The following ADAMTS16 variants were observed in gnomAD, a reference collection of about 807,000 sequenced individuals.
ADAMTS16 encodes the protein ADAM metallopeptidase with thrombospondin type 1 motif 16.
ADAMTS16 carries 94 observed loss-of-function variants against 145.8 expected under a neutral mutation model. That is an observed-to-expected ratio of 0.64 (90% CI 0.55 to 0.77). The LOEUF is 0.77. ADAMTS16 is among the 30% of genes least tolerant of loss of function. The pLI, the probability that ADAMTS16 is intolerant of heterozygous loss-of-function variation, is 0.00. For missense variants in ADAMTS16, 1,585 were observed against 1,591.5 expected, an observed-to-expected ratio of 1.00 and a Z score of 0.07; for synonymous variants, 659 against 604.3, an observed-to-expected ratio of 1.09 and a Z score of -1.33.
intron 2 of ADAMTS16, among the ~76,000 whole-genome samples, chr5:5,145,590 A>AT: frequency 6.6e-6 from 1 of 152,358 alleles, no homozygotes; most frequent in East Asian, 1.9e-4. Context: ...ACCAGTAGTT[A>AT]TTTTGCATGA....
intron 5 of ADAMTS16, among the ~76,000 whole-genome samples, chr5:5,186,814 G>A (rs1579296847): frequency 6.6e-6 from 1 of 152,186 alleles, no homozygotes; most frequent in South Asian, 2.1e-4. Context: ...TCATGTAAGT[G>A]AAATCTAAAT....
At chr5:5,279,873 C>T (rs564402234) in intron 18 of ADAMTS16, among the ~76,000 whole-genome samples, 1 of 149,594 alleles carries the variant, frequency 6.7e-6, no homozygotes, top group East Asian at 2.0e-4. Context: ...TTTTCCTTCC[C>T]TCCCTCCCTT....
In ADAMTS16 at chr5:5,232,549, G is replaced by A. The variant is rs764625972; in HGVS notation, c.1850+33G>A. 3.1e-6 allele frequency: 5 copies of A among 1,599,396 alleles called. No homozygotes were observed. In the East Asian group the frequency reaches 6.8e-5, roughly 22 times the overall value. On this transcript the variant is annotated intron_variant, in intron 12 of 22. Coordinates refer to ENST00000274181, the MANE Select transcript of ADAMTS16 (RefSeq NM_139056.4). ...TGCCTTGACCTCCTTCCTCACAAAC[G>A]ACTGATTTCCATGCCATGAACCCTC...
At chr5:5,174,993 TGGTACCTAAGTTGCAA>T (rs1056055036) in intron 3 of ADAMTS16, among the ~76,000 whole-genome samples, 3 of 152,180 alleles carry the variant, frequency 2.0e-5, no homozygotes, top group South Asian at 4.1e-4. Context: ...AGCCTGGAAT[TGGTACCTAAGTTGCAA>T]GGTACCTAAG....
chr5:5,187,023 C>T (rs901742235), intron 5 of ADAMTS16, among the ~76,000 whole-genome samples: 1 of 152,178 alleles, frequency 6.6e-6, no homozygotes, highest in African/African-American at 2.4e-5. Flanking sequence ...TCTGGGCTCC[C>T]AGGAAGCTGA....
chr5:5,237,578 T>C (rs920243947), intron 14 of ADAMTS16, among the ~76,000 whole-genome samples: 17 of 151,898 alleles, frequency 1.1e-4, no homozygotes, highest in Admixed American at 1.1e-3. Context: ...GATAAGGAGT[T>C]GGGATTTTTA....
intron 18 of ADAMTS16, among the ~76,000 whole-genome samples, chr5:5,270,400 C>G (rs573668165): frequency 6.6e-6 from 1 of 152,224 alleles, no homozygotes; most frequent in Non-Finnish European, 1.5e-5. Context: ...TCCCTGGGCT[C>G]GACCCTGCCT....
intron 8 of ADAMTS16, among the ~76,000 whole-genome samples, chr5:5,195,007 T>C (rs893858557): frequency 1.3e-5 from 2 of 152,214 alleles, no homozygotes; most frequent in African/African-American, 2.4e-5. Context: ...CAAATAAAGA[T>C]TTCAGTTAGT....
intron 9 of ADAMTS16, among the ~76,000 whole-genome samples, chr5:5,206,772 G>A (rs536066531): frequency 9.2e-5 from 14 of 152,172 alleles, no homozygotes; most frequent in African/African-American, 2.4e-4. Context: ...GTGAGCCACC[G>A]CGCCCGGCAG....
In ADAMTS16 at chr5:5,236,993, G is replaced by A; in HGVS notation, c.2048G>A (p.Cys683Tyr). The change falls in exon 14 of 23, where the codon TGT becomes TAT. Residue 683 changes from cysteine (C) to tyrosine (Y), a missense_variant. Cys to Tyr is a radical substitution (Grantham distance 194, BLOSUM62 -2). Transcript: ENST00000274181. ...GATCAGGACTTATGCAAACTCTACTGTATCGCAGAAGGATTTGATTTCTTC... is the reference window on the plus strand; with the variant it reads ...GATCAGGACTTATGCAAACTCTACTATATCGCAGAAGGATTTGATTTCTTC... ...VEDQDLCKLY[C>Y]IAEGFDFFFS... is the part of the protein sequence containing the mutation. 1 of 1,613,802 alleles carries A rather than the reference G, an allele frequency of 6.2e-7. No individual in the cohort carries two copies. The highest frequency in any genetic ancestry group is 8.5e-7 in the Non-Finnish European group (1 of 1,179,946).
chr5:5,286,299 T>C (rs1739097492), intron 18 of ADAMTS16, among the ~76,000 whole-genome samples: 1 of 152,198 alleles, frequency 6.6e-6, no homozygotes, highest in Non-Finnish European at 1.5e-5. Context: ...CATAGACCAA[T>C]AAATTATGCC....
intron 18 of ADAMTS16, among the ~76,000 whole-genome samples, chr5:5,270,674 G>A (rs1310796550): frequency 6.6e-6 from 1 of 152,110 alleles, no homozygotes; most frequent in East Asian, 1.9e-4. Flanking sequence ...CAATTGAGTT[G>A]GGAACATAGA....
intron 10 of ADAMTS16, among the ~76,000 whole-genome samples, chr5:5,219,594 G>T (rs1234717077): frequency 6.6e-6 from 1 of 152,200 alleles, no homozygotes; most frequent in Non-Finnish European, 1.5e-5. Flanking sequence ...GGATACCAAG[G>T]TCCCAAATTA....
chr5:5,305,091 A>G (rs1255706002), intron 20 of ADAMTS16, among the ~76,000 whole-genome samples: 1 of 50,196 alleles, frequency 2.0e-5, no homozygotes, highest in Non-Finnish European at 4.2e-5. Context: ...ATCCCACACC[A>G]CACACACACA....
intron 8 of ADAMTS16, among the ~76,000 whole-genome samples, chr5:5,196,744 A>T (rs556480745): frequency 6.6e-6 from 1 of 152,298 alleles, no homozygotes; most frequent in South Asian, 2.1e-4. Flanking sequence ...AGGGAATAGA[A>T]GTTTTGAATT....
In ADAMTS16 at chr5:5,203,153, G is replaced by A. The variant is rs576240730; in HGVS notation, c.1451+2884G>A. On this transcript the variant is annotated intron_variant, in intron 9 of 22. Transcript: ENST00000274181. ...TTGACCACATGAGTATAAATAAATA[G>A]GTAAGGTTTTACGTGCTTACAGATT... Among the ~76,000 whole-genome samples the A allele has an allele frequency of 4.6e-5, 7 of 152,218 alleles. No homozygotes were observed. In the South Asian group the frequency reaches 1.5e-3, roughly 32 times the overall value.
chr5:5,306,846 C>A, intron 21 of ADAMTS16, 118 bp downstream of exon 21: 1 of 1,049,894 alleles, frequency 9.5e-7, no homozygotes, highest in Non-Finnish European at 1.3e-6. Flanking sequence ...CAAGCTACTG[C>A]ATGAGGTTTT....
chr5:5,310,621 C>T lies in ADAMTS16; in HGVS notation c.3411+3893C>T, dbSNP rs986506263. On this transcript the variant is annotated intron_variant, in intron 21 of 22. Coordinates refer to ENST00000274181, the MANE Select transcript of ADAMTS16 (RefSeq NM_139056.4). The surrounding 1 kb of genome is among the most constrained non-coding windows in gnomAD (Gnocchi z 4.3). ...TGTGATGGGTGACAGAGGCAGGCAT[C>T]GGAGTGGTGCCCATATGACAAAGAA... 5.9e-5 allele frequency among the ~76,000 whole-genome samples: 9 copies of T among 152,234 alleles called. No individual in the cohort carries two copies. The highest frequency in any genetic ancestry group is 1.9e-4 in the East Asian group (1 of 5,160).
At chr5:5,312,136 G>A (rs1032125482) in intron 21 of ADAMTS16, among the ~76,000 whole-genome samples, 1 of 152,166 alleles carries the variant, frequency 6.6e-6, no homozygotes, top group African/African-American at 2.4e-5. Flanking sequence ...AACCCGGGGA[G>A]AAGCAGCTTG....
Sources: gnomAD v4.1 joint callset for allele counts (sites outside exome capture counted in the v4.1 genomes callset) on GRCh38, gnomAD v4.1.1 for gene constraint, Gnocchi (gnomAD v3.1) non-coding constraint, MANE v1.5 for transcripts, NCBI Gene and HGNC (gene_info 2026-07-23, HGNC 2026-07-21) for gene names.